ADCY10: variants seen among roughly 807,000 people sequenced by gnomAD.
ADCY10 encodes adenylate cyclase type 10.
ADCY10 carries 156 observed loss-of-function variants against 183.3 expected under a neutral mutation model. That is an observed-to-expected ratio of 0.85 (90% CI 0.75 to 0.97). The LOEUF (loss-of-function observed/expected upper bound fraction) is 0.97, where lower values mean the gene tolerates loss of function less well. Ranked by LOEUF, ADCY10 falls within the 50% of genes least tolerant of loss-of-function variation. The pLI is 0.00. For synonymous variants in ADCY10, 645 were observed against 670.0 expected (o/e 0.96, Z 0.58); for missense variants, 1,745 against 1,934.3 (o/e 0.90, Z 1.84).
intron 30 of ADCY10, chr1:167,820,083 T>C: frequency 6.4e-7 from 1 of 1,568,110 alleles, no homozygotes; most frequent in Middle Eastern, 1.7e-4. Context: ...AGATAAAATT[T>C]GGCTATGGTT....
intron 19 of ADCY10, 42 bp from the exon 20 acceptor site, chr1:167,846,305 C>A (rs1232176575): frequency 6.2e-7 from 1 of 1,610,058 alleles, no homozygotes; most frequent in Admixed American, 1.7e-5. Flanking sequence ...AGTTATTTAT[C>A]TTTATCTAAT....
In ADCY10 at chr1:167,818,071, C is replaced by T. The variant is rs775104629; in HGVS notation, c.4482+1G>A. ...ACTGGAAACTGGAGAATAGGCCTCA[C>T]CTTGAGTAGCTCCTCCCCACTGGCT... On this transcript the variant is annotated splice_donor_variant, in intron 31 of 32. Transcript: ENST00000367851. LOFTEE classifies it high-confidence loss of function. 3 of 1,614,138 alleles carry T rather than the reference C, an allele frequency of 1.9e-6. No individual in the cohort carries two copies. The highest frequency in any genetic ancestry group is 2.2e-5 in the East Asian group (1 of 44,880).
intron 26 of ADCY10, among the ~76,000 whole-genome samples, chr1:167,827,382 G>T (rs551976583): frequency 2.0e-5 from 3 of 148,816 alleles, no homozygotes; most frequent in Admixed American, 6.7e-5. Context: ...GTTTCACCGT[G>T]GTCTTGATCT....
chr1:167,856,468 A>G (rs112299806), intron 16 of ADCY10, 29 bp from the exon 17 acceptor site: 596 of 1,613,544 alleles, frequency 3.7e-4, no homozygotes, highest in Non-Finnish European at 4.5e-4. Flanking sequence ...GAGAAAGAGA[A>G]ACACCATAGG....
chr1:167,824,622 A>C, intron 27 of ADCY10, 29 bp downstream of exon 27: 1 of 1,614,054 alleles, frequency 6.2e-7, no homozygotes. Flanking sequence ...TTGTATCCTC[A>C]TGTCCCATCT....
intron 26 of ADCY10, among the ~76,000 whole-genome samples, chr1:167,828,332 G>A (rs898727548): frequency 6.6e-6 from 1 of 152,162 alleles, no homozygotes; most frequent in Non-Finnish European, 1.5e-5. Context: ...AACTCAGTGA[G>A]TTAAATAAAA....
chr1:167,880,866 C>G (rs768595591), intron 9 of ADCY10, among the ~76,000 whole-genome samples: 1 of 152,190 alleles, frequency 6.6e-6, no homozygotes, highest in East Asian at 1.9e-4. Flanking sequence ...GTGCATGCTT[C>G]GGCCTACTCT....
chr1:167,825,173 C>T (rs1302374030), intron 26 of ADCY10, among the ~76,000 whole-genome samples: 6 of 152,174 alleles, frequency 3.9e-5, no homozygotes, highest in African/African-American at 1.4e-4. Flanking sequence ...TGCAAGGATA[C>T]ACTCCAAAGT....
At chr1:167,904,112 G>C in intron 2 of ADCY10, 121 bp from the exon 3 acceptor site, 1 of 589,816 alleles carries the variant, frequency 1.7e-6, no homozygotes. Flanking sequence ...TTTTGAGACA[G>C]AGTCTTGCTT....
chr1:167,847,734 T>C (rs896551310), intron 19 of ADCY10, among the ~76,000 whole-genome samples: 1 of 152,152 alleles, frequency 6.6e-6, no homozygotes, highest in African/African-American at 2.4e-5. Context: ...TAATATGTCT[T>C]TCATATAAAC....
intron 31 of ADCY10, among the ~76,000 whole-genome samples, chr1:167,817,835 A>G (rs1036084980): frequency 1.1e-4 from 17 of 152,258 alleles, no homozygotes; most frequent in Non-Finnish European, 4.4e-5. Flanking sequence ...AGAAATGTGC[A>G]TGCACACACA....
intron 26 of ADCY10, among the ~76,000 whole-genome samples, chr1:167,827,488 A>G (rs908275750): frequency 3.3e-5 from 5 of 151,176 alleles, no homozygotes; most frequent in African/African-American, 9.7e-5. Context: ...GTACTTTTAT[A>G]AAGGAGCAAG....
At chr1:167,837,401 T>G in intron 21 of ADCY10, 83 bp from the exon 22 acceptor site, 1 of 1,292,048 alleles carries the variant, frequency 7.7e-7, no homozygotes, top group Non-Finnish European at 1.1e-6. Context: ...AAGACTCTTG[T>G]TCCCTTTTCG....
rs71100909 is a variant in ADCY10, at chr1:167,882,484, C to CAAAAA, written c.1020+948_1020+952dup. Among the ~76,000 whole-genome samples the CAAAAA allele has an allele frequency of 2.3e-3, 164 of 71,012 alleles. 4 individuals carry two copies. The highest frequency in any genetic ancestry group is 0.013 in the East Asian group (26 of 2,068). 46.6% of individuals were successfully genotyped at this position (71,012 alleles called of 152,430 possible). A position where few individuals can be genotyped will look rare whatever the true frequency, so the allele number is the denominator to read the frequency against. ...TGGGCAATAGAGCAAGATTCCGTCT[C>CAAAAA]AAAAAAAAAAAAAAAAAAAAGAACA... is the stretch of plus-strand genomic sequence containing the variant. On this transcript the variant is annotated intron_variant, in intron 9 of 32. Transcript: ENST00000367851.
chr1:167,823,142 A>T lies in ADCY10; in HGVS notation c.4053-19T>A, dbSNP rs761409401. The T allele has an allele frequency of 6.2e-7, 1 of 1,607,060 alleles. No individual in the cohort carries two copies. The highest frequency in any genetic ancestry group is 2.2e-5 in the East Asian group (1 of 44,826). On this transcript the variant is annotated intron_variant, in intron 28 of 32. Coordinates refer to ENST00000367851, the MANE Select transcript of ADCY10 (RefSeq NM_018417.6). ...CGGGTATCTATGGAAAAGAAAAGGTAGTGGCCATTAAAAAGTGGTGGATAT... is the reference window on the plus strand; with the variant it reads ...CGGGTATCTATGGAAAAGAAAAGGTTGTGGCCATTAAAAAGTGGTGGATAT...
At chr1:167,903,241 G>A (rs1448283954) in intron 3 of ADCY10, among the ~76,000 whole-genome samples, 2 of 151,044 alleles carry the variant, frequency 1.3e-5, no homozygotes, top group African/African-American at 4.9e-5. Flanking sequence ...GGGAGACAGA[G>A]TGAGACTCTG....
chr1:167,910,174 C>T (rs895600819), intron 1 of ADCY10, among the ~76,000 whole-genome samples: 8 of 152,306 alleles, frequency 5.3e-5, no homozygotes, highest in East Asian at 1.9e-4. Flanking sequence ...GTCTGTGGCT[C>T]GTCCTGCTAC....
intron 21 of ADCY10, among the ~76,000 whole-genome samples, chr1:167,842,053 A>G (rs986017822): frequency 1.3e-5 from 2 of 152,206 alleles, no homozygotes; most frequent in Non-Finnish European, 2.9e-5. Context: ...TTAGAAAATA[A>G]CAGTTCTTAA....
intron 1 of ADCY10, among the ~76,000 whole-genome samples, chr1:167,910,556 C>T (rs1197841700): frequency 6.6e-6 from 1 of 152,124 alleles, no homozygotes; most frequent in Admixed American, 6.5e-5. Context: ...CCTACCTTCT[C>T]CTTGAGGTAG....
Sources: allele counts gnomAD v4.1 joint callset (sites outside exome capture counted in the v4.1 genomes callset), GRCh38; gene constraint gnomAD v4.1.1; transcripts MANE v1.5; gene names NCBI Gene and HGNC (gene_info 2026-07-23, HGNC 2026-07-21).